PAK1: variants seen among roughly 807,000 people sequenced by gnomAD.
PAK1 encodes p21 (RAC1) activated kinase 1, also known as serine/threonine-protein kinase PAK 1.
PAK1 carries 29 observed loss-of-function variants against 67.4 expected under a neutral mutation model. That is an observed-to-expected ratio of 0.43 (90% CI 0.32 to 0.59). PAK1 has a LOEUF of 0.59. PAK1 is among the 20% of genes least tolerant of loss of function. PAK1 has a pLI of 0.07. For missense variants in PAK1, 337 were observed against 670.7 expected (o/e 0.50, Z 5.50); for synonymous variants, 223 against 237.4 (o/e 0.94, Z 0.56).
chr11:77,472,225 T>C (rs975320777), intron 1 of PAK1, among the ~76,000 whole-genome samples: 1 of 151,948 alleles, frequency 6.6e-6, no homozygotes, highest in Non-Finnish European at 1.5e-5. Context: ...AGTTAAAGAG[T>C]ATGGATAAGC....
chr11:77,357,388 C>T (rs773671915), intron 6 of PAK1, among the ~76,000 whole-genome samples: 107 of 152,192 alleles, frequency 7.0e-4, no homozygotes, highest in Non-Finnish European at 1.3e-3. Context: ...GATTACTACT[C>T]TAGCATAATG....
chr11:77,447,310 T>C (rs746923005), intron 1 of PAK1, among the ~76,000 whole-genome samples: 3 of 152,170 alleles, frequency 2.0e-5, no homozygotes, highest in Admixed American at 2.0e-4. Context: ...ATTATTCCCA[T>C]TGTCTGATTC....
the PAK1 span, among the ~76,000 whole-genome samples, chr11:77,517,464 G>A: frequency 6.6e-6 from 1 of 152,176 alleles, no homozygotes; most frequent in African/African-American, 2.4e-5. Context: ...AAGGGATGCT[G>A]AGCAGGCAAA....
chr11:77,449,256 A>G (rs1956749781), intron 1 of PAK1, among the ~76,000 whole-genome samples: 1 of 152,234 alleles, frequency 6.6e-6, no homozygotes, highest in Non-Finnish European at 1.5e-5. Flanking sequence ...AAAAGGGAAC[A>G]CTAGCCCACA....
At chr11:77,508,680 G>T in the PAK1 span, among the ~76,000 whole-genome samples, 22 of 124,154 alleles carry the variant, frequency 1.8e-4, no homozygotes, top group South Asian at 5.0e-3. Flanking sequence ...TTTTTTTTGC[G>T]ACGGAGTCTC....
the PAK1 span, among the ~76,000 whole-genome samples, chr11:77,493,686 A>T: frequency 6.6e-6 from 1 of 151,858 alleles, no homozygotes; most frequent in Admixed American, 6.6e-5. Context: ...TACTGAACCG[A>T]GAGTGCGTCA....
At chr11:77,338,167 C>T (rs1158820992) in intron 11 of PAK1, among the ~76,000 whole-genome samples, 2 of 152,124 alleles carry the variant, frequency 1.3e-5, no homozygotes, top group Non-Finnish European at 2.9e-5. Flanking sequence ...GGACTTCCAT[C>T]TATAAAATTT....
chr11:77,471,244 A>G (rs1957839395), intron 1 of PAK1, among the ~76,000 whole-genome samples: 1 of 152,198 alleles, frequency 6.6e-6, no homozygotes. Context: ...CTACGGAAGA[A>G]AAACGGGACA....
chr11:77,444,542 A>G (rs1466591067), intron 1 of PAK1, among the ~76,000 whole-genome samples: 1 of 152,134 alleles, frequency 6.6e-6, no homozygotes, highest in Non-Finnish European at 1.5e-5. Context: ...ACTCATCACA[A>G]TTACGAAGCA....
At chr11:77,504,587 T>A in the PAK1 span, among the ~76,000 whole-genome samples, 1 of 152,238 alleles carries the variant, frequency 6.6e-6, no homozygotes, top group Admixed American at 6.5e-5. Flanking sequence ...ATCAATGAGC[T>A]TTTCATACTG....
chr11:77,370,891 A>C (rs905106145), intron 5 of PAK1, among the ~76,000 whole-genome samples: 2 of 152,250 alleles, frequency 1.3e-5, no homozygotes, highest in Non-Finnish European at 2.9e-5. Context: ...GCTCCAGCAC[A>C]AAGTCCAAGC....
intron 1 of PAK1, among the ~76,000 whole-genome samples, chr11:77,432,445 GA>G (rs368041750): frequency 0.021 from 3,044 of 147,008 alleles, 94 homozygotes; most frequent in African/African-American, 0.07. Flanking sequence ...CAATTAGGTG[GA>G]AAAAAAAAAG....
At chr11:77,365,755 C>T (rs1206053558) in intron 5 of PAK1, among the ~76,000 whole-genome samples, 1 of 151,990 alleles carries the variant, frequency 6.6e-6, no homozygotes, top group Non-Finnish European at 1.5e-5. Flanking sequence ...ATCGCCTGAA[C>T]TCAGGAGGCA....
At chr11:77,409,670 TA>T (rs1397636825) in intron 1 of PAK1, among the ~76,000 whole-genome samples, 1 of 149,784 alleles carries the variant, frequency 6.7e-6, no homozygotes, top group Non-Finnish European at 1.5e-5. Context: ...TTTTTTCAGG[TA>T]AAAAAAAAGC....
chr11:77,492,227 C>G, the PAK1 span, among the ~76,000 whole-genome samples: 3 of 151,820 alleles, frequency 2.0e-5, no homozygotes, highest in Non-Finnish European at 4.4e-5. Context: ...CCCAGCTACT[C>G]GGGAGGCTGA....
At chr11:77,348,924 G>A (rs1468418146) in intron 9 of PAK1, among the ~76,000 whole-genome samples, 1 of 152,084 alleles carries the variant, frequency 6.6e-6, no homozygotes, top group African/African-American at 2.4e-5. Context: ...AGGAGTTCGA[G>A]AGCAGCCTGG....
intron 1 of PAK1, among the ~76,000 whole-genome samples, chr11:77,429,083 AAAAAAAAAAAAC>A (rs1321276701): frequency 2.8e-4 from 25 of 90,800 alleles, no homozygotes; most frequent in African/African-American, 1.2e-3. Flanking sequence ...AAAAAAAAAA[AAAAAAAAAAAAC>A]ACACACACAC....
intron 4 of PAK1, 135 bp downstream of exon 4, chr11:77,379,106 A>C: frequency 2.6e-6 from 2 of 764,588 alleles, no homozygotes; most frequent in Non-Finnish European, 4.1e-6. Context: ...TCAAATTCCA[A>C]AATTCCACGT....
chr11:77,482,135 C>A, the PAK1 span, among the ~76,000 whole-genome samples: 1 of 151,994 alleles, frequency 6.6e-6, no homozygotes, highest in African/African-American at 2.4e-5. Context: ...ATTACAGGCA[C>A]ACCCCACCAC....
Sources: allele counts gnomAD v4.1 joint callset (sites outside exome capture counted in the v4.1 genomes callset), GRCh38; gene constraint gnomAD v4.1.1; transcripts MANE v1.5; gene names NCBI Gene and HGNC (gene_info 2026-07-23, HGNC 2026-07-21).